FBXW7: variants seen among roughly 807,000 people sequenced by gnomAD.
FBXW7 encodes F-box/WD repeat-containing protein 7.
A neutral mutation model predicts 86.3 loss-of-function variants in FBXW7; 11 were observed. The observed-to-expected ratio is 0.13, with a 90% CI of 0.08 to 0.21. The LOEUF (loss-of-function observed/expected upper bound fraction) is 0.21, where lower values mean the gene tolerates loss of function less well. Among genes scored for constraint, FBXW7 ranks in the 10% least tolerant of loss-of-function variants. The pLI, the probability that FBXW7 is intolerant of heterozygous loss-of-function variation, is 1.00. For synonymous variants in FBXW7, 313 were observed against 297.9 expected (o/e 1.05, Z -0.52); for missense variants, 488 against 847.4 (o/e 0.58, Z 5.27).
chr4:152,488,527 A>G (rs1225441678), intron 2 of FBXW7, among the ~76,000 whole-genome samples: 1 of 152,116 alleles, frequency 6.6e-6, no homozygotes, highest in Non-Finnish European at 1.5e-5. Context: ...GAAACCTTAC[A>G]GACTCTAACT....
chr4:152,427,229 A>G (rs1420863355), intron 2 of FBXW7, among the ~76,000 whole-genome samples: 1 of 152,252 alleles, frequency 6.6e-6, no homozygotes, highest in Non-Finnish European at 1.5e-5. Flanking sequence ...CTGTAAAAAT[A>G]TAATTGATCA....
At chr4:152,507,946 T>C (rs903917563) in intron 2 of FBXW7, among the ~76,000 whole-genome samples, 1 of 151,126 alleles carries the variant, frequency 6.6e-6, no homozygotes, top group African/African-American at 2.4e-5. Context: ...ACCTGGCCTG[T>C]AGTCCTAGCT....
chr4:152,414,984 G>A (rs557936033), intron 2 of FBXW7, among the ~76,000 whole-genome samples: 6 of 152,096 alleles, frequency 3.9e-5, no homozygotes, highest in Non-Finnish European at 8.8e-5. Context: ...GGGGAGGGGG[G>A]TGTATTTTAG....
At chr4:152,418,755 A>G (rs1048815362) in intron 2 of FBXW7, among the ~76,000 whole-genome samples, 1 of 152,182 alleles carries the variant, frequency 6.6e-6, no homozygotes, top group Non-Finnish European at 1.5e-5. Context: ...TTTCTCGCAC[A>G]TATGAACAAT....
intron 4 of FBXW7, among the ~76,000 whole-genome samples, chr4:152,363,306 T>C (rs946906806): frequency 6.6e-6 from 1 of 152,158 alleles, no homozygotes; most frequent in Non-Finnish European, 1.5e-5. Context: ...TTAGAAATAT[T>C]TGTCCAGGGT....
chr4:152,346,031 A>G (rs891298553), intron 6 of FBXW7, among the ~76,000 whole-genome samples: 75 of 152,152 alleles, frequency 4.9e-4, no homozygotes, highest in Non-Finnish European at 9.9e-4. Flanking sequence ...TATTTGCAAC[A>G]AATAATTGAG....
intron 4 of FBXW7, among the ~76,000 whole-genome samples, chr4:152,368,712 A>G (rs997188308): frequency 6.6e-6 from 1 of 152,100 alleles, no homozygotes; most frequent in Non-Finnish European, 1.5e-5. Context: ...ACTATATACT[A>G]GACATTTTAG....
intron 10 of FBXW7, among the ~76,000 whole-genome samples, chr4:152,329,371 G>C (rs1265262413): frequency 6.6e-6 from 1 of 151,676 alleles, no homozygotes; most frequent in African/African-American, 2.4e-5. Context: ...ATAAAAGTGG[G>C]GAAAAATTGA....
rs7660281 is a variant in FBXW7, at chr4:152,411,373, G to C, written c.431C>G (p.Thr144Arg). Residue 144 changes from threonine to arginine, a missense_variant, in exon 4 of 14, where the codon ACG becomes AGG. Physicochemically the swap from Thr to Arg is moderately conservative, Grantham distance 71. Transcript: ENST00000281708. ...EDEHTHTNSVTNSSSIVDLPV... is the reference protein window; with the variant it reads ...EDEHTHTNSVRNSSSIVDLPV... ...CAGGTCCACAATACTACTGGAGTTC[G>C]TGACACTGTTAGTATGTGTATGTTC... is the stretch of plus-strand genomic sequence containing the variant. The C allele has an allele frequency of 2.1e-4, 337 of 1,613,530 alleles. 2 individuals carry two copies. The African/African-American group carries it at 3.4e-3, about 16-fold the overall frequency.
intron 2 of FBXW7, among the ~76,000 whole-genome samples, chr4:152,481,847 A>C (rs1049252926): frequency 1.3e-5 from 2 of 152,212 alleles, no homozygotes; most frequent in Non-Finnish European, 1.5e-5. Context: ...TATAAAAAAG[A>C]GCAAAGAAAG....
chr4:152,377,508 C>G (rs984199063), intron 4 of FBXW7, among the ~76,000 whole-genome samples: 1 of 151,482 alleles, frequency 6.6e-6, no homozygotes, highest in Admixed American at 6.6e-5. Context: ...TCCCAGCCCT[C>G]TGGGAGACCG....
At chr4:152,408,003 T>C (rs1420014746) in intron 4 of FBXW7, among the ~76,000 whole-genome samples, 1 of 152,202 alleles carries the variant, frequency 6.6e-6, no homozygotes, top group Admixed American at 6.5e-5. Flanking sequence ...CTTTTATATA[T>C]ATTTATTTTT....
intron 8 of FBXW7, 83 bp from the exon 9 acceptor site, chr4:152,330,951 G>A (rs2126538154): frequency 3.6e-6 from 5 of 1,373,944 alleles, no homozygotes; most frequent in Non-Finnish European, 4.0e-6. Flanking sequence ...TCTTTATAAA[G>A]AGTATTCCAT....
chr4:152,356,991 G>A (rs528021648), intron 4 of FBXW7, among the ~76,000 whole-genome samples: 3 of 152,222 alleles, frequency 2.0e-5, no homozygotes, highest in East Asian at 1.9e-4. Flanking sequence ...ATAGTGTAAC[G>A]TAATATACAC....
chr4:152,391,134 A>G (rs1281038253), intron 4 of FBXW7, among the ~76,000 whole-genome samples: 2 of 152,082 alleles, frequency 1.3e-5, no homozygotes, highest in Non-Finnish European at 2.9e-5. Context: ...ATTTTCAGTA[A>G]TGTGCTATGC....
At chr4:152,386,468 C>T (rs1271302588) in intron 4 of FBXW7, among the ~76,000 whole-genome samples, 1 of 152,032 alleles carries the variant, frequency 6.6e-6, no homozygotes, top group East Asian at 1.9e-4. Context: ...ATTACTACTA[C>T]TATTAATGGA....
At chr4:152,385,066 C>T (rs1188178216) in intron 4 of FBXW7, among the ~76,000 whole-genome samples, 1 of 152,038 alleles carries the variant, frequency 6.6e-6, no homozygotes, top group South Asian at 2.1e-4. Flanking sequence ...ATATCCTTAT[C>T]TCAGTTACTA....
At chr4:152,518,168 T>C (rs1340055983) in intron 2 of FBXW7, among the ~76,000 whole-genome samples, 2 of 151,830 alleles carry the variant, frequency 1.3e-5, no homozygotes, top group Non-Finnish European at 2.9e-5. Context: ...TTTCTATTTT[T>C]AGTAGAGACA....
intron 2 of FBXW7, among the ~76,000 whole-genome samples, chr4:152,502,384 A>G (rs1456816653): frequency 6.6e-6 from 1 of 152,140 alleles, no homozygotes; most frequent in African/African-American, 2.4e-5. Context: ...ACATAAAAAT[A>G]CTGATCTAGT....
Sources: gnomAD v4.1 joint callset for allele counts (sites outside exome capture counted in the v4.1 genomes callset) on GRCh38, gnomAD v4.1.1 for gene constraint, MANE v1.5 for transcripts, NCBI Gene and HGNC (gene_info 2026-07-23, HGNC 2026-07-21) for gene names.